Variants in LEO1 observed in about 807,000 individuals in gnomAD.
The protein encoded by LEO1 is RNA polymerase-associated protein LEO1.
In LEO1, 34 loss-of-function variants were observed where a neutral mutation model predicts 80.4. The ratio of observed to expected loss-of-function variants is 0.42; its 90% CI spans 0.32 to 0.56. The LOEUF is 0.56. Among genes scored for constraint, LEO1 ranks in the 20% least tolerant of loss-of-function variants. The probability of loss-of-function intolerance (pLI) is 0.10; values close to 1 mark genes in which losing one functional copy is unlikely to be tolerated. For synonymous variants in LEO1, 262 were observed against 274.9 expected (o/e 0.95, Z 0.46); for missense variants, 631 against 814.2 (o/e 0.77, Z 2.74).
rs377717606 is a variant in LEO1 at position 51,962,445 on chromosome 15, C to T, written c.863G>A (p.Arg288His). 131 of 1,613,736 alleles carry T rather than the reference C, an allele frequency of 8.1e-5. No individual in the cohort carries two copies. Among genetic ancestry groups the T allele is most frequent in the Non-Finnish European group, 1.0e-4 (121 of 1,179,884 alleles). ...DSEDEVLRMK[R>H]KNAIASDSEA... Reference sequence around the variant, plus strand: ...TGAATCAGATGCAATCGCATTCTTGCGTTTCATTCGTAAAACTTCATCTTC... The same window carrying T: ...TGAATCAGATGCAATCGCATTCTTGTGTTTCATTCGTAAAACTTCATCTTC... The change falls in exon 3 of 12, where the codon CGC becomes CAC. Residue 288 changes from arginine (R) to histidine (H), a missense_variant. Arg to His is a conservative substitution (Grantham distance 29, BLOSUM62 0). This residue lies in a region of LEO1 where 394 missense variants were observed against 395.6 expected (regional missense o/e 1.00). Transcript: ENST00000299601.
At chr15:51,958,867 T>C in intron 5 of LEO1, 41 bp from the exon 6 acceptor site, 1 of 1,059,072 alleles carries the variant, frequency 9.4e-7, no homozygotes, top group East Asian at 2.5e-5. Context: ...TCATATTTTA[T>C]AAAGAATATT....
Position 51,953,198 on chromosome 15 carries a change from T to C in LEO1, c.1406A>G (p.Asn469Ser). ...AGTACCTTGTCTTATAAAAAGATGATTGTGGTCGCCCTGCAGTGGGGCTTT... is the reference window on the plus strand; with the variant it reads ...AGTACCTTGTCTTATAAAAAGATGACTGTGGTCGCCCTGCAGTGGGGCTTT... ...VYKAPLQGDHNHLFIRQGTGL... is the reference protein window; with the variant it reads ...VYKAPLQGDHSHLFIRQGTGL... The change falls in exon 8 of 12, where the codon AAT becomes AGT. Residue 469 changes from asparagine to serine, a missense_variant. By Grantham distance (46) the Asn-to-Ser change is conservative. Around this residue, in one of 4 missense-constraint regions of LEO1, gnomAD observed 95 missense variants for 171.7 expected, o/e 0.55. Transcript: ENST00000299601. 1 of 1,614,118 alleles carries C rather than the reference T, an allele frequency of 6.2e-7. No homozygotes were observed. The highest frequency in any genetic ancestry group is 8.5e-7 in the Non-Finnish European group (1 of 1,179,912).
At chr15:51,939,028 T>C (rs982605753) in intron 11 of LEO1, among the ~76,000 whole-genome samples, 3 of 151,934 alleles carry the variant, frequency 2.0e-5, no homozygotes, top group African/African-American at 7.3e-5. Context: ...CTACTAAAAA[T>C]ACAAAAATTA....
intron 4 of LEO1, 63 bp from the exon 5 acceptor site, chr15:51,960,107 C>A: frequency 7.5e-7 from 1 of 1,324,624 alleles, no homozygotes; most frequent in Admixed American, 2.0e-5. Flanking sequence ...CTTCAACCTC[C>A]ACACTTTAAT....
chr15:51,966,915 A>T (rs1246963912), intron 1 of LEO1, among the ~76,000 whole-genome samples: 1 of 150,594 alleles, frequency 6.6e-6, no homozygotes. Context: ...TGTCTCAAAG[A>T]AAAAAAAGAA....
intron 11 of LEO1, among the ~76,000 whole-genome samples, chr15:51,939,337 G>T (rs1386169358): frequency 1.3e-5 from 2 of 152,094 alleles, no homozygotes; most frequent in Non-Finnish European, 2.9e-5. Context: ...TTTTTCTGAT[G>T]GTTCTCATGG....
intron 7 of LEO1, among the ~76,000 whole-genome samples, chr15:51,953,974 C>G (rs2056968534): frequency 1.3e-5 from 2 of 150,514 alleles, no homozygotes; most frequent in South Asian, 4.2e-4. Context: ...AGTTCTGTTG[C>G]CCAGGCTGGA....
At chr15:51,947,076 G>A in intron 11 of LEO1, 1 of 523,622 alleles carries the variant, frequency 1.9e-6, no homozygotes, top group East Asian at 3.6e-5. Context: ...CCAGCAAGAA[G>A]TCTTATCCTC....
intron 2 of LEO1, among the ~76,000 whole-genome samples, chr15:51,964,556 A>AC (rs991628465): frequency 6.6e-6 from 1 of 151,828 alleles, no homozygotes; most frequent in African/African-American, 2.4e-5. Context: ...TTAAAAAAAA[A>AC]AAAAAAACCT....
At chr15:51,938,881 C>T (rs144608679) in intron 11 of LEO1, among the ~76,000 whole-genome samples, 143 of 152,240 alleles carry the variant, frequency 9.4e-4, no homozygotes, top group African/African-American at 3.4e-3. Context: ...CTGATTAAAA[C>T]AAACTGACAC....
At chr15:51,939,910 G>A (rs376397369) in intron 11 of LEO1, among the ~76,000 whole-genome samples, 73 of 152,330 alleles carry the variant, frequency 4.8e-4, no homozygotes, top group African/African-American at 1.7e-3. Flanking sequence ...ACTGGCACCA[G>A]TCCTAATCCA....
In LEO1 at chr15:51,938,251, G is replaced by A. The variant is rs761698948; in HGVS notation, c.1906C>T (p.Pro636Ser). The change falls in exon 12 of 12, where the codon CCT (proline) becomes TCT (serine). Residue 636 changes from proline to serine, a missense_variant. By Grantham distance (74) the Pro-to-Ser change is moderately conservative. Around this residue, in one of 4 missense-constraint regions of LEO1, gnomAD observed 117 missense variants for 163.5 expected, o/e 0.72. Transcript: ENST00000299601. ...KKLTSDEEGE[P>S]SGKRKAEDDD... ...TCTTCTGCTTTTCTCTTTCCGGAAG[G>A]TTCACCTTCCTAAACAGATACAATT... 8 of 1,591,972 alleles carry A rather than the reference G, an allele frequency of 5.0e-6. No homozygotes were observed. The highest frequency in any genetic ancestry group is 6.0e-6 in the Non-Finnish European group (7 of 1,164,244).
chr15:51,954,459 C>T (rs1296677442), intron 7 of LEO1, 22 bp downstream of exon 7: 8 of 1,492,384 alleles, frequency 5.4e-6, no homozygotes, highest in South Asian at 3.4e-5. Flanking sequence ...ATGTCAATAC[C>T]CTTCAGGCGT....
chr15:51,963,523 C>T (rs978283548), intron 2 of LEO1, among the ~76,000 whole-genome samples: 4 of 152,198 alleles, frequency 2.6e-5, no homozygotes, highest in African/African-American at 9.6e-5. Context: ...AGGTTCCCTA[C>T]TATGACCCTG....
chr15:51,966,053 T>C lies in LEO1; in HGVS notation c.510A>G (p.Gly170=), dbSNP rs1392448225. 2 of 1,613,968 alleles carry C rather than the reference T, an allele frequency of 1.2e-6. No individual in the cohort carries two copies. Among genetic ancestry groups the C allele is most frequent in the Non-Finnish European group, 1.7e-6 (2 of 1,180,040 alleles). The change falls in exon 2 of 12, where the codon GGA becomes GGG. Residue 170 remains glycine (G), a synonymous_variant. Transcript: ENST00000299601. ...AATTCTGCAGCTTATCTTCATCAGA[T>C]CCTTGTGCCCTCTCCTCATCATCAG... ...QNSDDEERAQ[G]SDEDKLQNSD...
intron 2 of LEO1, among the ~76,000 whole-genome samples, chr15:51,963,787 A>G (rs1277600154): frequency 6.6e-6 from 1 of 151,482 alleles, no homozygotes; most frequent in East Asian, 1.9e-4. Flanking sequence ...CTTTAATCCC[A>G]GCTACTCAGG....
intron 5 of LEO1, among the ~76,000 whole-genome samples, chr15:51,959,487 C>T (rs530493755): frequency 3.6e-4 from 55 of 152,224 alleles, no homozygotes; most frequent in African/African-American, 1.2e-3. Flanking sequence ...CACAAGAGCT[C>T]GAGTAAACTT....
At chr15:51,959,293 C>A (rs2623244) in intron 5 of LEO1, among the ~76,000 whole-genome samples, 3 of 151,954 alleles carry the variant, frequency 2.0e-5, no homozygotes, top group Non-Finnish European at 2.9e-5. Context: ...TGTGAACCAC[C>A]ACACCCGGCC....
intron 11 of LEO1, among the ~76,000 whole-genome samples, chr15:51,941,197 G>T (rs755260514): frequency 3.0e-4 from 45 of 152,152 alleles, no homozygotes; most frequent in Non-Finnish European, 4.4e-4. Context: ...CCTTCAGGAT[G>T]ACTTCATTTT....
Sources: allele counts gnomAD v4.1 joint callset (sites outside exome capture counted in the v4.1 genomes callset), GRCh38; gene constraint gnomAD v4.1.1; regional missense constraint gnomAD v4.1.1; transcripts MANE v1.5; gene names NCBI Gene and HGNC (gene_info 2026-07-23, HGNC 2026-07-21).